The following LAMA3 variants were observed in gnomAD, a reference collection of about 807,000 sequenced individuals.
LAMA3 encodes laminin subunit alpha-3.
LAMA3 carries 281 observed loss-of-function variants against 402.0 expected under a neutral mutation model. The observed-to-expected ratio is 0.70, with a 90% CI of 0.63 to 0.77. The LOEUF is 0.77. Ranked by LOEUF, LAMA3 falls within the 30% of genes least tolerant of loss-of-function variation. The pLI is 0.00. For missense variants in LAMA3, 3,840 were observed against 4,215.5 expected (o/e 0.91, Z 2.47); for synonymous variants, 1,431 against 1,558.4 (o/e 0.92, Z 1.93).
At chr18:23,740,467 C>T (rs2061543375) in intron 2 of LAMA3, among the ~76,000 whole-genome samples, 1 of 151,914 alleles carries the variant, frequency 6.6e-6, no homozygotes, top group South Asian at 2.1e-4. Context: ...TTGTGGTGAC[C>T]CAAATCTTTA....
chr18:23,749,380 C>G, intron 3 of LAMA3, 48 bp from the exon 4 acceptor site: 3 of 995,980 alleles, frequency 3.0e-6, no homozygotes, highest in South Asian at 2.9e-5. Flanking sequence ...AGATTTGCAA[C>G]AAAATGATAA....
In LAMA3 at chr18:23,761,087, CAA is replaced by C. The variant is rs369756312; in HGVS notation, c.1064-2317_1064-2316del. 8.4e-3 allele frequency among the ~76,000 whole-genome samples: 1,286 copies of C among 152,246 alleles called. 13 individuals are homozygous for C. The highest frequency in any genetic ancestry group is 0.065 in the South Asian group (312 of 4,812). ...GTATTTTATACATACTTTAAATACT[CAA>C]GATTATATAATCTACATAATTTTAT... On this transcript the variant is annotated intron_variant, in intron 7 of 74. Coordinates refer to ENST00000313654, the MANE Select transcript of LAMA3 (RefSeq NM_198129.4).
chr18:23,903,699 C>T (rs1258722159), intron 49 of LAMA3, among the ~76,000 whole-genome samples: 1 of 152,130 alleles, frequency 6.6e-6, no homozygotes, highest in African/African-American at 2.4e-5. Flanking sequence ...GTAAAGGTTA[C>T]TAAAGGGTTT....
chr18:23,877,669 A>T (rs2064766743), intron 39 of LAMA3, among the ~76,000 whole-genome samples: 1 of 152,238 alleles, frequency 6.6e-6, no homozygotes, highest in African/African-American at 2.4e-5. Context: ...GCCAACTGAT[A>T]GAATATTTTG....
intron 41 of LAMA3, among the ~76,000 whole-genome samples, chr18:23,887,269 A>C (rs1162920594): frequency 6.6e-6 from 1 of 152,130 alleles, no homozygotes; most frequent in Non-Finnish European, 1.5e-5. Context: ...GTTGAGCTGC[A>C]ATTAGGAGGT....
At chr18:23,924,632 C>T (rs1568351499) in intron 62 of LAMA3, among the ~76,000 whole-genome samples, 1 of 150,990 alleles carries the variant, frequency 6.6e-6, no homozygotes, top group African/African-American at 2.4e-5. Flanking sequence ...GCAACCTCCA[C>T]CTCCCGGGTT....
chr18:23,745,945 A>G (rs1322252549), intron 2 of LAMA3, among the ~76,000 whole-genome samples: 1 of 152,200 alleles, frequency 6.6e-6, no homozygotes, highest in Non-Finnish European at 1.5e-5. Flanking sequence ...AGAGATGTGC[A>G]AAGAGTTTTT....
At chr18:23,915,637 T>C (rs2081584868) in intron 59 of LAMA3, among the ~76,000 whole-genome samples, 1 of 152,170 alleles carries the variant, frequency 6.6e-6, no homozygotes, top group Non-Finnish European at 1.5e-5. Context: ...AAATGCTAGA[T>C]AGTTTTCTCA....
At chr18:23,702,840 T>C (rs1439922682) in intron 1 of LAMA3, among the ~76,000 whole-genome samples, 1 of 152,216 alleles carries the variant, frequency 6.6e-6, no homozygotes, top group African/African-American at 2.4e-5. Context: ...TTGGGCTAAT[T>C]CTCAGGTTCT....
chr18:23,816,280 CA>C lies in LAMA3; in HGVS notation c.2048-107del. On this transcript the variant is annotated intron_variant, in intron 17 of 74. Coordinates refer to ENST00000313654, the MANE Select transcript of LAMA3 (RefSeq NM_198129.4). ...GACAGATGTGGCAGAGGAAAGAAGG[CA>C]GGCACTGTGTCACTGGGATGGTCAG... 3 of 801,366 alleles carry C rather than the reference CA, an allele frequency of 3.7e-6. No individual in the cohort carries two copies. The South Asian group carries it at 4.3e-5, about 12-fold the overall frequency. The allele number at this position is 801,366 out of a possible 1,614,324, so 49.6% of individuals were successfully genotyped here.
At chr18:23,952,920 A>G in intron 73 of LAMA3, 70 bp from the exon 74 acceptor site, 1 of 1,608,508 alleles carries the variant, frequency 6.2e-7, no homozygotes. Flanking sequence ...GAGTTAAAAC[A>G]AAGTCAATGG....
At chr18:23,941,326 G>C (rs111826825) in intron 68 of LAMA3, among the ~76,000 whole-genome samples, 9,904 of 38,070 alleles carry the variant, frequency 0.26, 557 homozygotes, top group Non-Finnish European at 0.37. Flanking sequence ...TCAGCTTGGC[G>C]CCCCCCCCCC....
chr18:23,926,539 AT>A (rs2082008281), intron 62 of LAMA3, among the ~76,000 whole-genome samples: 1 of 152,240 alleles, frequency 6.6e-6, no homozygotes. Flanking sequence ...TTTTAATGAA[AT>A]TTAATTTTAG....
At chr18:23,855,583 C>G (rs2064057139) in intron 32 of LAMA3, among the ~76,000 whole-genome samples, 2 of 152,152 alleles carry the variant, frequency 1.3e-5, no homozygotes, top group South Asian at 4.1e-4. Flanking sequence ...AACCTGGGGC[C>G]AGGAGCCCTC....
In LAMA3 at chr18:23,907,597, A is replaced by C. The variant is rs1389807375; in HGVS notation, c.6766A>C (p.Thr2256Pro). Residue 2256 changes from threonine to proline, a missense_variant, in exon 53 of 75, where the codon ACA (threonine) becomes CCA (proline). Coordinates refer to ENST00000313654, the MANE Select transcript of LAMA3 (RefSeq NM_198129.4). The part of the protein sequence containing the change: ...NNLQQTLNIV[T>P]VQKEVIDTNL... ...CCTACAGCAAACCCTGAATATTGTG[A>C]CAGTTCAGAAAGAAGTGATAGACAC... is the stretch of plus-strand genomic sequence containing the variant. 3 of 1,614,044 alleles carry C rather than the reference A, an allele frequency of 1.9e-6. No homozygotes were observed. Among genetic ancestry groups the C allele is most frequent in the Non-Finnish European group, 2.5e-6 (3 of 1,179,988 alleles).
At chr18:23,912,061 A>T (rs916930564) in intron 55 of LAMA3, among the ~76,000 whole-genome samples, 41 of 146,064 alleles carry the variant, frequency 2.8e-4, no homozygotes, top group African/African-American at 9.9e-4. Flanking sequence ...TACTTATAAA[A>T]ATATATTTTA....
At chr18:23,852,486 G>GTCC (rs1568257137) in intron 32 of LAMA3, among the ~76,000 whole-genome samples, 5 of 151,542 alleles carry the variant, frequency 3.3e-5, no homozygotes, top group South Asian at 2.1e-4. Context: ...AGGTTTTTTA[G>GTCC]CTTTCCCTTA....
chr18:23,932,112 CT>C lies in LAMA3; in HGVS notation c.8577-42del, dbSNP rs761236696. 2.5e-6 allele frequency: 4 copies of C among 1,611,294 alleles called. No homozygotes were observed. The East Asian group carries it at 8.9e-5, about 36-fold the overall frequency. ...GTGAGTTGGCCACATGGCAAGGGCC[CT>C]TTTTTCCAGCAGTTCTCACCCATGA... On this transcript the variant is annotated intron_variant, in intron 65 of 74. Coordinates refer to ENST00000313654, the MANE Select transcript of LAMA3 (RefSeq NM_198129.4).
In LAMA3 at chr18:23,810,476, G is replaced by A. The variant is rs2063046863; in HGVS notation, c.1714G>A (p.Gly572Arg). ...TGQRCDRCLS[G>R]AYDFPHCQGS... The stretch of plus-strand genomic sequence containing the variant: ...ACAGCGGTGTGACAGGTGTCTCTCA[G>A]GAGCTTATGATTTCCCCCACTGCCA... The change falls in exon 13 of 75, where the codon GGA (glycine) becomes AGA (arginine). Residue 572 changes from glycine to arginine, a missense_variant. By Grantham distance (125) the Gly-to-Arg change is moderately radical. Transcript: ENST00000313654. 1 of 1,614,082 alleles carries A rather than the reference G, an allele frequency of 6.2e-7. No individual in the cohort carries two copies.
Sources: gnomAD v4.1 joint callset for allele counts (sites outside exome capture counted in the v4.1 genomes callset) on GRCh38, gnomAD v4.1.1 for gene constraint, MANE v1.5 for transcripts, NCBI Gene and HGNC (gene_info 2026-07-23, HGNC 2026-07-21) for gene names.